Variants in AUH observed in about 807,000 individuals in gnomAD.
AUH encodes the protein methylglutaconyl-CoA hydratase, mitochondrial.
A neutral mutation model predicts 42.3 loss-of-function variants in AUH; 29 were observed. The observed-to-expected ratio is 0.69, with a 90% CI of 0.51 to 0.93. AUH has a LOEUF of 0.93. AUH is among the 40% of genes least tolerant of loss of function. AUH has a pLI of 0.00. For missense variants in AUH, 452 were observed against 438.1 expected (o/e 1.03, Z -0.28); for synonymous variants, 174 against 166.4 (o/e 1.05, Z -0.35).
At chr9:91,226,151 G>A (rs1335755664) in intron 6 of AUH, among the ~76,000 whole-genome samples, 1 of 150,396 alleles carries the variant, frequency 6.6e-6, no homozygotes, top group African/African-American at 2.5e-5. Context: ...GGTTGAACTA[G>A]TTTACAGTCC....
chr9:91,217,827 C>T (rs1403528111), intron 7 of AUH, among the ~76,000 whole-genome samples: 1 of 152,208 alleles, frequency 6.6e-6, no homozygotes, highest in Admixed American at 6.5e-5. Flanking sequence ...GATTAATCAA[C>T]AGTGTCCTCT....
chr9:91,326,009 T>TAGCAC (rs1829946237), intron 3 of AUH, among the ~76,000 whole-genome samples: 1 of 152,184 alleles, frequency 6.6e-6, no homozygotes, highest in South Asian at 2.1e-4. Flanking sequence ...ATTATGACTT[T>TAGCAC]AGCACAGAAT....
At chr9:91,246,768 A>T (rs1828818097) in intron 6 of AUH, among the ~76,000 whole-genome samples, 1 of 152,264 alleles carries the variant, frequency 6.6e-6, no homozygotes, top group Non-Finnish European at 1.5e-5. Flanking sequence ...ATAAAGGATA[A>T]ATGACTATTT....
At chr9:91,279,543 G>A (rs1825807048) in intron 6 of AUH, among the ~76,000 whole-genome samples, 1 of 152,166 alleles carries the variant, frequency 6.6e-6, no homozygotes, top group African/African-American at 2.4e-5. Context: ...ATGGCAGAAG[G>A]CAAAGGGGGA....
chr9:91,314,017 G>A (rs563990546), intron 4 of AUH, among the ~76,000 whole-genome samples: 14 of 151,868 alleles, frequency 9.2e-5, no homozygotes, highest in Admixed American at 7.9e-4. Flanking sequence ...AGAGATGGGG[G>A]TTCACCATGT....
rs568609415 is a variant in AUH at position 91,278,539 on chromosome 9, G to A, written c.655+17482C>T. Among the ~76,000 whole-genome samples the A allele has an allele frequency of 2.6e-5, 4 of 152,324 alleles. No individual in the cohort carries two copies. The East Asian group carries it at 7.7e-4, about 29-fold the overall frequency. The stretch of plus-strand genomic sequence containing the variant: ...CACTGTTAAGTCTGATTTCACCTTT[G>A]TGGGTAACAAATCTTGGAAGTAGTT... On this transcript the variant is annotated intron_variant, in intron 6 of 9. Transcript: ENST00000375731.
intron 1 of AUH, among the ~76,000 whole-genome samples, 161 bp downstream of exon 1, chr9:91,361,467 C>G (rs1832845377): frequency 6.6e-6 from 1 of 152,156 alleles, no homozygotes; most frequent in Non-Finnish European, 1.5e-5. Context: ...AGGAAGCGGC[C>G]ACGCTGGGTG....
intron 6 of AUH, among the ~76,000 whole-genome samples, chr9:91,241,580 T>C (rs1391598125): frequency 2.0e-5 from 3 of 152,148 alleles, no homozygotes; most frequent in Non-Finnish European, 4.4e-5. Flanking sequence ...TATACTTGTG[T>C]CAAATGAACA....
intron 6 of AUH, among the ~76,000 whole-genome samples, chr9:91,231,800 G>A (rs1464750677): frequency 6.6e-6 from 1 of 152,056 alleles, no homozygotes; most frequent in Non-Finnish European, 1.5e-5. Flanking sequence ...CTGGGCTGGA[G>A]CTATATACTC....
At chr9:91,340,746 T>G (rs1285107066) in intron 3 of AUH, among the ~76,000 whole-genome samples, 1 of 152,216 alleles carries the variant, frequency 6.6e-6, no homozygotes. Context: ...AGCTTCTTCC[T>G]GCAAAGCCCA....
intron 3 of AUH, among the ~76,000 whole-genome samples, chr9:91,333,872 T>C (rs932029607): frequency 2.0e-5 from 3 of 152,188 alleles, no homozygotes; most frequent in South Asian, 2.1e-4. Flanking sequence ...AAGGCCTCTT[T>C]TTTGGCAATT....
chr9:91,237,951 C>T (rs1828286799), intron 6 of AUH, among the ~76,000 whole-genome samples: 1 of 152,196 alleles, frequency 6.6e-6, no homozygotes, highest in African/African-American at 2.4e-5. Context: ...TTCAAAGCTT[C>T]TCTTTTCTAA....
intron 3 of AUH, among the ~76,000 whole-genome samples, chr9:91,353,508 G>GT (rs1313869384): frequency 6.6e-6 from 1 of 152,102 alleles, no homozygotes; most frequent in African/African-American, 2.4e-5. Context: ...AATATAGGCT[G>GT]TAAGTTTAAA....
intron 6 of AUH, among the ~76,000 whole-genome samples, chr9:91,261,611 C>G (rs755841102): frequency 2.6e-5 from 4 of 152,214 alleles, no homozygotes; most frequent in Non-Finnish European, 5.9e-5. Flanking sequence ...TGTGTAGCTA[C>G]TTCCTATCCT....
At chr9:91,335,844 G>A (rs1437232677) in intron 3 of AUH, among the ~76,000 whole-genome samples, 1 of 152,174 alleles carries the variant, frequency 6.6e-6, no homozygotes, top group African/African-American at 2.4e-5. Flanking sequence ...ACAACTGCCT[G>A]TGGTGACAGA....
At chr9:91,235,284 G>A (rs1367402578) in intron 6 of AUH, among the ~76,000 whole-genome samples, 3 of 152,168 alleles carry the variant, frequency 2.0e-5, no homozygotes, top group African/African-American at 7.2e-5. Context: ...AGCTTGGACC[G>A]AGACAGCGCA....
chr9:91,333,953 A>G (rs1830513631), intron 3 of AUH, among the ~76,000 whole-genome samples: 2 of 152,216 alleles, frequency 1.3e-5, no homozygotes, highest in Non-Finnish European at 2.9e-5. Context: ...TGGAAGAGGC[A>G]ACTATGAAGA....
At chr9:91,354,234 T>C (rs551446384) in intron 3 of AUH, among the ~76,000 whole-genome samples, 1 of 152,108 alleles carries the variant, frequency 6.6e-6, no homozygotes, top group East Asian at 1.9e-4. Flanking sequence ...TCATATACAC[T>C]GAATTACTAA....
intron 6 of AUH, among the ~76,000 whole-genome samples, chr9:91,290,717 T>C (rs1826798672): frequency 6.6e-6 from 1 of 152,158 alleles, no homozygotes; most frequent in African/African-American, 2.4e-5. Flanking sequence ...TGTTATAGCA[T>C]AATCTATCTT....
Sources: allele counts gnomAD v4.1 joint callset (sites outside exome capture counted in the v4.1 genomes callset), GRCh38; gene constraint gnomAD v4.1.1; transcripts MANE v1.5; gene names NCBI Gene and HGNC (gene_info 2026-07-23, HGNC 2026-07-21).